PARG: variants seen among roughly 807,000 people sequenced by gnomAD.
PARG encodes the protein mitochondrial poly(ADP-ribose) glycohydrolase.
PARG carries 35 observed loss-of-function variants against 113.0 expected under a neutral mutation model. That is an observed-to-expected ratio of 0.31 (90% CI 0.24 to 0.41). The LOEUF (loss-of-function observed/expected upper bound fraction) is 0.41. PARG is among the 10% of genes least tolerant of loss of function. PARG has a pLI of 1.00. For missense variants in PARG, 797 were observed against 1,169.4 expected (o/e 0.68, Z 4.64); for synonymous variants, 330 against 409.9 (o/e 0.81, Z 2.36).
At chr10:49,897,887 G>C (rs1251156692) in intron 7 of PARG, among the ~76,000 whole-genome samples, 2 of 152,170 alleles carry the variant, frequency 1.3e-5, no homozygotes, top group Non-Finnish European at 2.9e-5. Flanking sequence ...AGCTATTTGG[G>C]TGGCTAAGGC....
chr10:49,868,781 CTA>C (rs1846647183), intron 10 of PARG, among the ~76,000 whole-genome samples: 1 of 151,656 alleles, frequency 6.6e-6, no homozygotes. Context: ...TGTTTAATAT[CTA>C]TAACTACCCT....
intron 4 of PARG, among the ~76,000 whole-genome samples, chr10:49,926,675 T>C (rs1372045349): frequency 6.6e-6 from 1 of 152,226 alleles, no homozygotes; most frequent in Non-Finnish European, 1.5e-5. Context: ...AAAGCCTTGC[T>C]TCCTTAACCA....
chr10:49,847,982 A>C (rs1376183537), intron 13 of PARG, among the ~76,000 whole-genome samples: 3 of 151,498 alleles, frequency 2.0e-5, no homozygotes, highest in Non-Finnish European at 4.4e-5. Flanking sequence ...CTGAGTAAAG[A>C]GTATATGGAA....
In PARG at chr10:49,849,400, A is replaced by G. The variant is rs569823454; in HGVS notation, c.2354-5768T>C. ...AACCAAAACAGGAAGAAAGAAAACA[A>G]CACATTAATAAGCTTACTTCAAAAC... is the stretch of plus-strand genomic sequence containing the variant. On this transcript the variant is annotated intron_variant, in intron 13 of 17. Coordinates refer to ENST00000616448, the MANE Select transcript of PARG (RefSeq NM_003631.5). 2.4e-4 allele frequency among the ~76,000 whole-genome samples: 36 copies of G among 150,712 alleles called. No individual in the cohort carries two copies. The East Asian group carries it at 6.9e-3, about 29-fold the overall frequency.
At chr10:49,840,306 T>C (rs962337892) in intron 15 of PARG, among the ~76,000 whole-genome samples, 1 of 151,338 alleles carries the variant, frequency 6.6e-6, no homozygotes, top group Non-Finnish European at 1.5e-5. Context: ...GAGGATCACC[T>C]GAGCCCAGAG....
chr10:49,831,648 GC>G lies in PARG; in HGVS notation c.2647+1154del, dbSNP rs538069942. ...AAATCTTTGGTCACCAAAGGTCAGT[GC>G]AGCCTCCTGACTGGTGTACACGCTG... On this transcript the variant is annotated intron_variant, in intron 16 of 17. Transcript: ENST00000616448. Among the ~76,000 whole-genome samples the G allele has an allele frequency of 4.2e-3, 640 of 152,302 alleles. 2 individuals are homozygous for G. The highest frequency in any genetic ancestry group is 7.7e-3 in the Non-Finnish European group (525 of 68,026).
intron 4 of PARG, among the ~76,000 whole-genome samples, chr10:49,931,073 ATTTAATATG>A (rs1360799959): frequency 6.8e-6 from 1 of 146,116 alleles, no homozygotes; most frequent in Admixed American, 7.0e-5. Context: ...AGGTTTAATT[ATTTAATATG>A]TTTAATATGT....
At chr10:49,930,140 C>G (rs1838414545) in intron 4 of PARG, among the ~76,000 whole-genome samples, 1 of 152,170 alleles carries the variant, frequency 6.6e-6, no homozygotes, top group Non-Finnish European at 1.5e-5. Context: ...AATGGGTTAT[C>G]TTGGCAAAAA....
At chr10:49,929,970 T>C (rs1838406329) in intron 4 of PARG, among the ~76,000 whole-genome samples, 1 of 151,304 alleles carries the variant, frequency 6.6e-6, no homozygotes, top group Non-Finnish European at 1.5e-5. Flanking sequence ...CAATCTACCA[T>C]TTAGTTTACA....
rs1356265189 is a variant in PARG at position 49,933,192 on chromosome 10, T to C, written c.1256A>G (p.Lys419Arg). 2.5e-6 allele frequency: 4 copies of C among 1,579,118 alleles called. No individual in the cohort carries two copies. In the African/African-American group the frequency reaches 4.0e-5, roughly 16 times the overall value. ...AGAAAATTACCTTCTGTCCTCTGCTTTGGGCAGTCTCATGAAATGATCTGT... is the reference window on the plus strand; with the variant it reads ...AGAAAATTACCTTCTGTCCTCTGCTCTGGGCAGTCTCATGAAATGATCTGT... The part of the protein sequence containing the change: ...KITDHFMRLP[K>R]AEDRRKEQWE... The change falls in exon 3 of 18, where the codon AAA becomes AGA. Residue 419 changes from lysine (K) to arginine (R), a missense_variant. Coordinates refer to ENST00000616448, the MANE Select transcript of PARG (RefSeq NM_003631.5).
chr10:49,930,040 T>C (rs1838410038), intron 4 of PARG, among the ~76,000 whole-genome samples: 1 of 152,004 alleles, frequency 6.6e-6, no homozygotes, highest in Admixed American at 6.6e-5. Context: ...CAGTTGCAAA[T>C]GGTAACATTT....
intron 7 of PARG, among the ~76,000 whole-genome samples, chr10:49,914,080 A>G (rs183144418): frequency 6.6e-6 from 1 of 152,330 alleles, no homozygotes; most frequent in African/African-American, 2.4e-5. Context: ...CAAGGTCACC[A>G]GATAAAGGGG....
chr10:49,853,134 C>T (rs1237626430), intron 13 of PARG, among the ~76,000 whole-genome samples: 20 of 149,934 alleles, frequency 1.3e-4, no homozygotes, highest in South Asian at 4.2e-4. Flanking sequence ...CCTGGGTTCA[C>T]GCCATTCTCC....
chr10:49,859,880 A>C (rs2132533705), intron 12 of PARG, among the ~76,000 whole-genome samples: 1 of 152,282 alleles, frequency 6.6e-6, no homozygotes, highest in South Asian at 2.1e-4. Context: ...CAGTTGAGAA[A>C]CCTGTTCCAG....
At chr10:49,909,718 C>A in intron 7 of PARG, 1 of 156,192 alleles carries the variant, frequency 6.4e-6, no homozygotes, top group South Asian at 1.9e-4. Flanking sequence ...TGCTTATGCT[C>A]AAAATGAAAC....
At chr10:49,887,530 C>T (rs1444262349) in intron 7 of PARG, among the ~76,000 whole-genome samples, 1 of 152,092 alleles carries the variant, frequency 6.6e-6, no homozygotes, top group Non-Finnish European at 1.5e-5. Context: ...GCCATGTTAC[C>T]TACATGGAAA....
In PARG at chr10:49,843,570, C is replaced by T. The variant is rs781993896; in HGVS notation, c.2416G>A (p.Glu806Lys). The T allele has an allele frequency of 1.7e-5, 26 of 1,549,924 alleles. No homozygotes were observed. Among genetic ancestry groups the T allele is most frequent in the South Asian group, 2.4e-5 (2 of 84,024 alleles). Residue 806 changes from glutamate (E) to lysine (K), a missense_variant, in exon 14 of 18, where the codon GAA (glutamate) becomes AAA (lysine). By Grantham distance (56) the Glu-to-Lys change is moderately conservative. This residue lies in a region of PARG where 194 missense variants were observed against 247.1 expected (regional missense o/e 0.79). Transcript: ENST00000616448. ...CAGACTCACCTTTCACTCCCATCTT[C>T]GTGGCTCCGGGACCAACGATATGTC... ...AETYRWSRSH[E>K]DGSERDDWQR...
intron 13 of PARG, among the ~76,000 whole-genome samples, chr10:49,844,199 A>G (rs1248068466): frequency 6.6e-6 from 1 of 152,134 alleles, no homozygotes; most frequent in Non-Finnish European, 1.5e-5. Flanking sequence ...GAAAAAGCAT[A>G]TAAGTAAACT....
At chr10:49,833,063 G>A (rs551559532) in intron 15 of PARG, 155 bp from the exon 16 acceptor site, 129 of 453,632 alleles carry the variant, frequency 2.8e-4, no homozygotes, top group Non-Finnish European at 4.7e-4. Flanking sequence ...AACAAAGAGG[G>A]AGAAAGGGAG....
Sources: allele counts gnomAD v4.1 joint callset (sites outside exome capture counted in the v4.1 genomes callset), GRCh38; gene constraint gnomAD v4.1.1; regional missense constraint gnomAD v4.1.1; transcripts MANE v1.5; gene names NCBI Gene and HGNC (gene_info 2026-07-23, HGNC 2026-07-21).